Variants in MLXIPL observed in about 807,000 individuals in gnomAD.
The protein encoded by MLXIPL is carbohydrate-responsive element-binding protein.
In MLXIPL, 49 loss-of-function variants were observed where a neutral mutation model predicts 81.5. The ratio of observed to expected loss-of-function variants is 0.60; its 90% confidence interval spans 0.48 to 0.76. The LOEUF is 0.76. Ranked by LOEUF, MLXIPL falls within the 30% of genes least tolerant of loss-of-function variation. The pLI is 0.00. For synonymous variants in MLXIPL, 466 were observed against 485.5 expected (o/e 0.96, Z 0.53); for missense variants, 1,053 against 1,167.0 (o/e 0.90, Z 1.42).
At chr7:73,610,160 T>C (rs1795597213) in intron 2 of MLXIPL, 1 of 152,398 alleles carries the variant, frequency 6.6e-6, no homozygotes. Context: ...CCGGGTCTAA[T>C]TGAGAAAAAA....
At chr7:73,647,174 C>A in the MLXIPL span, among the ~76,000 whole-genome samples, 1 of 152,176 alleles carries the variant, frequency 6.6e-6, no homozygotes, top group Non-Finnish European at 1.5e-5. Context: ...CCCTGGCTTT[C>A]CCCCCTGGGC....
At chr7:73,621,507 A>G (rs1796343732) in intron 1 of MLXIPL, among the ~76,000 whole-genome samples, 1 of 150,820 alleles carries the variant, frequency 6.6e-6, no homozygotes, top group Non-Finnish European at 1.5e-5. Context: ...CCATATAGTC[A>G]CTCCCCTGGG....
At chr7:73,615,798 A>G (rs1795972596) in intron 2 of MLXIPL, among the ~76,000 whole-genome samples, 2 of 151,746 alleles carry the variant, frequency 1.3e-5, no homozygotes, top group Non-Finnish European at 2.9e-5. Context: ...CTGCAGTCCC[A>G]GCTACTTGGG....
upstream of MLXIPL, among the ~76,000 whole-genome samples, chr7:73,629,425 T>C (rs1554604178): frequency 6.6e-6 from 1 of 152,112 alleles, no homozygotes; most frequent in East Asian, 1.9e-4. Context: ...CCCCACTAGA[T>C]GGCAAATTCC....
chr7:73,622,885 C>G (rs1273948632), intron 1 of MLXIPL, among the ~76,000 whole-genome samples: 3 of 152,034 alleles, frequency 2.0e-5, no homozygotes, highest in Non-Finnish European at 4.4e-5. Flanking sequence ...TAATGAGCAG[C>G]CAAAGTTGGG....
chr7:73,597,508 T>G lies in MLXIPL; in HGVS notation c.1277A>C (p.Gln426Pro). 7 of 1,384,592 alleles carry G rather than the reference T, an allele frequency of 5.1e-6. No individual in the cohort carries two copies. Among genetic ancestry groups the G allele is most frequent in the Non-Finnish European group, 6.6e-6 (7 of 1,067,342 alleles). The allele number at this position is 1,384,592 out of a possible 1,614,324, so 85.8% of individuals were successfully genotyped here. The change falls in exon 9 of 17, where the codon CAG becomes CCG. Residue 426 changes from glutamine (Q) to proline (P), a missense_variant. Physicochemically the swap from Gln to Pro is moderately conservative, Grantham distance 76. Transcript: ENST00000313375. Reference protein sequence around the residue: ...PPMAPPTALLQEEPLFSPRFP... With the variant: ...PPMAPPTALLPEEPLFSPRFP... ...CCTGGGAGAGAAGAGAGGCTCTTCC[T>G]GCAGCAAAGCAGTGGGTGGTGCCAT...
upstream of MLXIPL, among the ~76,000 whole-genome samples, chr7:73,629,305 C>T (rs1796798994): frequency 6.6e-6 from 1 of 152,040 alleles, no homozygotes; most frequent in African/African-American, 2.4e-5. Flanking sequence ...CTCCCAAAGT[C>T]CTGGAATTAC....
chr7:73,607,394 C>G lies in MLXIPL; in HGVS notation c.510G>C (p.Trp170Cys). Residue 170 changes from tryptophan to cysteine, a missense_variant, in exon 4 of 17, where the codon TGG becomes TGC. Transcript: ENST00000313375. Reference protein sequence around the residue: ...PEAVVLEGNYWKRRIEVVMRE... With the variant: ...PEAVVLEGNYCKRRIEVVMRE... ...GCATCACCACCTCGATGCGCCGCTT[C>G]CAGTAGTTCCCCTCCAGGACCACGG... 1 of 1,561,064 alleles carries G rather than the reference C, an allele frequency of 6.4e-7. No individual in the cohort carries two copies.
chr7:73,647,615 G>A, the MLXIPL span, among the ~76,000 whole-genome samples: 1 of 152,190 alleles, frequency 6.6e-6, no homozygotes, highest in Non-Finnish European at 1.5e-5. Context: ...GCTGAGCGAG[G>A]AGGCCACATA....
intron 7 of MLXIPL, among the ~76,000 whole-genome samples, chr7:73,601,620 T>C (rs561301846): frequency 6.6e-6 from 1 of 152,172 alleles, no homozygotes; most frequent in African/African-American, 2.4e-5. Flanking sequence ...AACCTCCACC[T>C]CCTGGGTTCA....
rs781926209 is a variant in MLXIPL, at chr7:73,593,863, G to T, written c.*2C>A. The T allele has an allele frequency of 1.9e-6, 3 of 1,612,184 alleles. No homozygotes were observed. The South Asian group carries it at 3.3e-5, about 18-fold the overall frequency. ...TGAGTGAGCAGCAGGGTCTGGCCAG[G>T]ACTATAAAGGTTTGCCAAGGGTGCC... On this transcript the variant is annotated 3_prime_UTR_variant, in exon 17 of 17. Coordinates refer to ENST00000313375, the MANE Select transcript of MLXIPL (RefSeq NM_032951.3).
chr7:73,619,511 C>G (rs911593143), intron 1 of MLXIPL, among the ~76,000 whole-genome samples: 8 of 151,316 alleles, frequency 5.3e-5, no homozygotes, highest in Non-Finnish European at 8.8e-5. Context: ...AACCTCTAGT[C>G]TCAGCTACTC....
At chr7:73,626,117 C>T (rs1796728872), upstream of MLXIPL, among the ~76,000 whole-genome samples, 1 of 152,002 alleles carries the variant, frequency 6.6e-6, no homozygotes, top group South Asian at 2.1e-4. Context: ...GATTCTCCTG[C>T]CTTAGCCTCC....
chr7:73,632,381 T>C, the MLXIPL span, among the ~76,000 whole-genome samples: 3 of 152,180 alleles, frequency 2.0e-5, no homozygotes, highest in Non-Finnish European at 4.4e-5. Context: ...ACTTATGACA[T>C]GTGCACCATT....
the MLXIPL span, among the ~76,000 whole-genome samples, chr7:73,633,475 C>T: frequency 1.3e-4 from 20 of 151,814 alleles, no homozygotes; most frequent in Non-Finnish European, 2.6e-4. Flanking sequence ...TGTGTGCCAA[C>T]GTGCCTGGCT....
intron 1 of MLXIPL, among the ~76,000 whole-genome samples, chr7:73,616,998 G>A (rs7793357): frequency 6.6e-6 from 1 of 151,896 alleles, no homozygotes; most frequent in East Asian, 1.9e-4. Flanking sequence ...TTTTGTTTTG[G>A]TTTGGTTTGG....
At chr7:73,639,926 G>T in the MLXIPL span, among the ~76,000 whole-genome samples, 1 of 151,970 alleles carries the variant, frequency 6.6e-6, no homozygotes, top group Non-Finnish European at 1.5e-5. Context: ...TTAGCCAGGT[G>T]TGGTGGTGGG....
At chr7:73,631,640 C>T in the MLXIPL span, among the ~76,000 whole-genome samples, 2 of 139,586 alleles carry the variant, frequency 1.4e-5, no homozygotes, top group Non-Finnish European at 3.1e-5. Context: ...CTCCCAACCT[C>T]AAGTGATCCT....
chr7:73,621,900 A>C (rs1216523785), intron 1 of MLXIPL, among the ~76,000 whole-genome samples: 26 of 32,794 alleles, frequency 7.9e-4, no homozygotes, highest in South Asian at 1.4e-3. Context: ...ATTTCCCTCT[A>C]TCTCCCTCCC....
Sources: gnomAD v4.1 joint callset for allele counts (sites outside exome capture counted in the v4.1 genomes callset) on GRCh38, gnomAD v4.1.1 for gene constraint, MANE v1.5 for transcripts, NCBI Gene and HGNC (gene_info 2026-07-23, HGNC 2026-07-21) for gene names.